The following ERC1 variants were observed in gnomAD, a reference collection of about 807,000 sequenced individuals.
The protein encoded by ERC1 is RAB6 interacting protein 2.
A neutral mutation model predicts 132.0 loss-of-function variants in ERC1; 56 were observed. The observed-to-expected ratio is 0.42, with a 90% CI of 0.34 to 0.53. The LOEUF (loss-of-function observed/expected upper bound fraction) is 0.53, where lower values mean the gene tolerates loss of function less well. Among genes scored for constraint, ERC1 ranks in the 20% least tolerant of loss-of-function variants. The pLI is 0.03. For missense variants in ERC1, 1,202 were observed against 1,349.9 expected, an observed-to-expected ratio of 0.89 and a Z score of 1.72; for synonymous variants, 478 against 476.1, an observed-to-expected ratio of 1.00 and a Z score of -0.05.
chr12:1,362,452 C>G (rs909349535), intron 15 of ERC1, among the ~76,000 whole-genome samples: 2 of 150,294 alleles, frequency 1.3e-5, no homozygotes, highest in African/African-American at 2.5e-5. Context: ...CTCTCTGTCT[C>G]TCTCTCTCTC....
At chr12:1,232,678 CTGTT>C (rs768759132) in intron 12 of ERC1, among the ~76,000 whole-genome samples, 9 of 151,540 alleles carry the variant, frequency 5.9e-5, no homozygotes, top group African/African-American at 7.3e-5. Context: ...CTTTATTAAA[CTGTT>C]TGTTTTGTTC....
chr12:1,360,544 T>G (rs1234016429), intron 15 of ERC1, among the ~76,000 whole-genome samples: 1 of 152,226 alleles, frequency 6.6e-6, no homozygotes, highest in East Asian at 1.9e-4. Flanking sequence ...TGATTCATTG[T>G]GCACAAGACT....
chr12:1,331,778 G>GC (rs2082882664), intron 15 of ERC1, among the ~76,000 whole-genome samples: 1 of 152,074 alleles, frequency 6.6e-6, no homozygotes, highest in South Asian at 2.1e-4. Context: ...CATATTCCTG[G>GC]CAGGCCATGG....
chr12:1,032,076 C>A (rs1008586429), intron 2 of ERC1, among the ~76,000 whole-genome samples: 1 of 148,278 alleles, frequency 6.7e-6, no homozygotes, highest in East Asian at 2.0e-4. Flanking sequence ...GATGGAGTCT[C>A]GCTCTGTAGC....
intron 16 of ERC1, among the ~76,000 whole-genome samples, chr12:1,375,713 A>G: frequency 6.7e-6 from 1 of 148,742 alleles, no homozygotes; most frequent in East Asian, 2.0e-4. Flanking sequence ...GGGTAGTCTC[A>G]GTAAGCATGG....
chr12:1,153,957 A>G (rs1471489635), intron 8 of ERC1, among the ~76,000 whole-genome samples: 1 of 152,050 alleles, frequency 6.6e-6, no homozygotes, highest in Non-Finnish European at 1.5e-5. Flanking sequence ...TGTACATTGT[A>G]TTCAATAGGT....
intron 8 of ERC1, among the ~76,000 whole-genome samples, chr12:1,161,508 C>G (rs189847742): frequency 6.6e-6 from 1 of 152,138 alleles, no homozygotes; most frequent in Admixed American, 6.5e-5. Flanking sequence ...ATCACTTGCT[C>G]CCTGGCAAAA....
rs1172269593 is a variant in ERC1 at position 1,196,976 on chromosome 12, ATTT to A, written c.2351+6944_2351+6946del. Among the ~76,000 whole-genome samples the A allele has an allele frequency of 8.5e-4, 62 of 73,306 alleles. 1 individual carries two copies. Among genetic ancestry groups the A allele is most frequent in the Middle Eastern group, 7.2e-3 (1 of 138 alleles). 48.1% of individuals were successfully genotyped at this position (73,306 alleles called of 152,430 possible). On this transcript the variant is annotated intron_variant, in intron 12 of 18. Transcript: ENST00000360905. ...CACACACACACATATATATATATAT[ATTT>A]TTTTTTTTTTTTTTTTTTTAAGACA... is the stretch of plus-strand genomic sequence containing the variant.
At chr12:1,148,498 C>T (rs1034976051) in intron 8 of ERC1, among the ~76,000 whole-genome samples, 1 of 152,186 alleles carries the variant, frequency 6.6e-6, no homozygotes, top group Non-Finnish European at 1.5e-5. Flanking sequence ...CACACTGCCC[C>T]AGTAATTCAT....
chr12:1,007,247 C>T (rs1468829571), intron 1 of ERC1, among the ~76,000 whole-genome samples: 1 of 152,044 alleles, frequency 6.6e-6, no homozygotes, highest in African/African-American at 2.4e-5. Flanking sequence ...TGACTTTTAC[C>T]TTGGAGCAAT....
intron 16 of ERC1, among the ~76,000 whole-genome samples, chr12:1,375,801 G>A (rs576884344): frequency 1.6e-3 from 226 of 145,358 alleles, no homozygotes; most frequent in African/African-American, 5.6e-3. Flanking sequence ...GCAGTGGTGC[G>A]ATCTCGGCTC....
At chr12:1,401,563 C>T (rs1205987755) in intron 16 of ERC1, among the ~76,000 whole-genome samples, 2 of 152,060 alleles carry the variant, frequency 1.3e-5, no homozygotes, top group African/African-American at 2.4e-5. Context: ...GTGACTTATT[C>T]ATCATATGAA....
At chr12:1,484,647 G>A (rs186566181) in intron 18 of ERC1, among the ~76,000 whole-genome samples, 8 of 147,452 alleles carry the variant, frequency 5.4e-5, no homozygotes, top group East Asian at 2.0e-4. Flanking sequence ...GCGTGATCTC[G>A]GCTCACTGTA....
intron 2 of ERC1, among the ~76,000 whole-genome samples, chr12:1,064,628 A>AAAG (rs2154177774): frequency 6.6e-6 from 1 of 152,202 alleles, no homozygotes; most frequent in Admixed American, 6.5e-5. Context: ...TCCTGGCCTC[A>AAAG]AAGAATCCTC....
Position 1,408,212 on chromosome 12 carries a change from T to C in ERC1, c.2989T>C (p.Ser997Pro), listed in dbSNP as rs1236543528. Reference protein sequence around the residue: ...YEDDHFKSSHSNQTNHKPSPD... With the variant: ...YEDDHFKSSHPNQTNHKPSPD... Reference sequence around the variant, plus strand: ...GGATGACCACTTCAAATCCTCCCATTCCAATCAAACAAATCACAAGCCCTC... The same window carrying C: ...GGATGACCACTTCAAATCCTCCCATCCCAATCAAACAAATCACAAGCCCTC... Residue 997 changes from serine (S) to proline (P), a missense_variant, in exon 17 of 19, where the codon TCC (serine) becomes CCC (proline). Physicochemically the swap from Ser to Pro is moderately conservative, Grantham distance 74. Coordinates refer to ENST00000360905, the MANE Select transcript of ERC1 (RefSeq NM_178040.4). 6.2e-7 allele frequency: 1 copy of C among 1,613,904 alleles called. No individual in the cohort carries two copies. The highest frequency in any genetic ancestry group is 1.7e-5 in the Admixed American group (1 of 59,988).
chr12:1,469,995 C>T (rs533219316), intron 18 of ERC1, among the ~76,000 whole-genome samples: 1 of 152,016 alleles, frequency 6.6e-6, no homozygotes, highest in Non-Finnish European at 1.5e-5. Context: ...CTCTGGCAGT[C>T]GTGGAACCCC....
chr12:1,405,162 A>AAT (rs1341434921), intron 16 of ERC1, among the ~76,000 whole-genome samples: 2 of 138,478 alleles, frequency 1.4e-5, no homozygotes, highest in Non-Finnish European at 3.1e-5. Flanking sequence ...TAAATAAATA[A>AAT]ATAAATAAAT....
chr12:1,395,951 G>A (rs2090509316), intron 16 of ERC1, among the ~76,000 whole-genome samples: 1 of 146,840 alleles, frequency 6.8e-6, no homozygotes, highest in Admixed American at 6.8e-5. Flanking sequence ...AAAAATCACT[G>A]AGTCCTAAAG....
intron 18 of ERC1, among the ~76,000 whole-genome samples, chr12:1,489,645 C>T (rs2094296041): frequency 6.6e-6 from 1 of 152,206 alleles, no homozygotes; most frequent in Admixed American, 6.5e-5. Context: ...ATTAGCAGGC[C>T]TCAGGTGGGT....
Sources: gnomAD v4.1 joint callset for allele counts (sites outside exome capture counted in the v4.1 genomes callset) on GRCh38, gnomAD v4.1.1 for gene constraint, MANE v1.5 for transcripts, NCBI Gene and HGNC (gene_info 2026-07-23, HGNC 2026-07-21) for gene names.